Variants in PHF3 observed in about 807,000 individuals in gnomAD.
PHF3 encodes the protein PHD finger protein 3.
A neutral mutation model predicts 178.4 loss-of-function variants in PHF3; 41 were observed. That is an observed-to-expected ratio of 0.23 (90% CI 0.18 to 0.30). The LOEUF (loss-of-function observed/expected upper bound fraction) is 0.30. Ranked by LOEUF, PHF3 falls within the 10% of genes least tolerant of loss-of-function variation. The pLI is 1.00. For missense variants in PHF3, 2,346 were observed against 2,398.1 expected, an observed-to-expected ratio of 0.98 and a Z score of 0.45; for synonymous variants, 842 against 800.5, an observed-to-expected ratio of 1.05 and a Z score of -0.88.
chr6:63,666,449 A>AT (rs1322200431), intron 2 of PHF3, among the ~76,000 whole-genome samples: 40 of 147,542 alleles, frequency 2.7e-4, no homozygotes, highest in Non-Finnish European at 3.7e-4. Context: ...GTTTGTCAGC[A>AT]TTTTTTTTTT....
At position 63,684,847 on chromosome 6, in the gene PHF3, G is replaced by A. The variant is rs778204152; in HGVS notation, c.1125G>A (p.Leu375=). The A allele has an allele frequency of 6.2e-7, 1 of 1,613,290 alleles. No homozygotes were observed. Among genetic ancestry groups the A allele is most frequent in the South Asian group, 1.1e-5 (1 of 91,012 alleles). ...SCVDEVTECN[L]ELKDTMGIAD... The stretch of plus-strand genomic sequence containing the variant: ...TAGATGAAGTGACTGAATGTAATTT[G>A]GAATTGAAGGATACCATGGGTATTG... The change falls in exon 4 of 16, where the codon TTG becomes TTA. Residue 375 remains leucine (L), a synonymous_variant. Transcript: ENST00000262043.
rs1186427936 is a variant in PHF3, at chr6:63,721,180, T to C, written c.*7472T>C. The C allele has an allele frequency of 9.7e-6, 15 of 1,551,668 alleles. No individual in the cohort carries two copies. The highest frequency in any genetic ancestry group is 1.1e-5 in the Non-Finnish European group (13 of 1,146,912). On this transcript the variant is annotated 3_prime_UTR_variant, in exon 16 of 16. Coordinates refer to ENST00000262043, the MANE Select transcript of PHF3 (RefSeq NM_001370348.2). The stretch of plus-strand genomic sequence containing the variant: ...AATTTTGCAGTTGAAAATGAAGTTT[T>C]GTTTTCACAATACCTTCCCACCCAA...
Position 63,721,037 on chromosome 6 carries a change from C to T in PHF3, c.*7329C>T, listed in dbSNP as rs1768362528. 1 of 1,551,152 alleles carries T rather than the reference C, an allele frequency of 6.4e-7. No homozygotes were observed. On this transcript the variant is annotated 3_prime_UTR_variant, in exon 16 of 16. Coordinates refer to ENST00000262043, the MANE Select transcript of PHF3 (RefSeq NM_001370348.2). Reference sequence around the variant, plus strand: ...CATTTTCTTCATTTTGAGCTATTCCCATCCATACAATTAGACCTTCTGTTT... The same window carrying T: ...CATTTTCTTCATTTTGAGCTATTCCTATCCATACAATTAGACCTTCTGTTT...
intron 13 of PHF3, among the ~76,000 whole-genome samples, chr6:63,707,914 T>G (rs1284722868): frequency 6.6e-6 from 1 of 150,544 alleles, no homozygotes; most frequent in Non-Finnish European, 1.5e-5. Flanking sequence ...TCGCCCTGGC[T>G]GGAGTGCAGT....
chr6:63,649,972 T>C (rs1764953894), intron 2 of PHF3, among the ~76,000 whole-genome samples: 1 of 152,226 alleles, frequency 6.6e-6, no homozygotes, highest in Admixed American at 6.5e-5. Flanking sequence ...TTATTTTATC[T>C]CTCATTTTAC....
chr6:63,656,299 TTAAAATG>T (rs1214312452), intron 2 of PHF3, among the ~76,000 whole-genome samples: 1 of 152,232 alleles, frequency 6.6e-6, no homozygotes, highest in Non-Finnish European at 1.5e-5. Flanking sequence ...TCTTTTTAAC[TTAAAATG>T]TGAAATAAAA....
At chr6:63,666,431 T>C (rs1765684471) in intron 2 of PHF3, among the ~76,000 whole-genome samples, 2 of 152,048 alleles carry the variant, frequency 1.3e-5, no homozygotes, top group South Asian at 4.1e-4. Flanking sequence ...TATATATATT[T>C]GCTTCGTGTT....
chr6:63,653,441 C>A (rs1053246255), intron 2 of PHF3, among the ~76,000 whole-genome samples: 1 of 151,818 alleles, frequency 6.6e-6, no homozygotes, highest in Non-Finnish European at 1.5e-5. Flanking sequence ...CCAAAGTGTT[C>A]TACATTTTTC....
At chr6:63,706,921 G>C in intron 13 of PHF3, 45 bp downstream of exon 13, 1 of 1,560,732 alleles carries the variant, frequency 6.4e-7, no homozygotes, top group Non-Finnish European at 8.8e-7. Context: ...TTGATAATGT[G>C]TGTTTCTGAA....
At chr6:63,703,500 T>C (rs1444034524) in intron 10 of PHF3, 36 bp from the exon 11 acceptor site, 4 of 1,574,868 alleles carry the variant, frequency 2.5e-6, no homozygotes, top group Non-Finnish European at 3.4e-6. Context: ...CCAAATTTTA[T>C]CAGCTAAAAC....
rs977006334 is a variant in PHF3, at chr6:63,683,228, A to G, written c.407-901A>G. 7.9e-5 allele frequency among the ~76,000 whole-genome samples: 12 copies of G among 151,980 alleles called. No individual in the cohort carries two copies. The East Asian group carries it at 2.3e-3, about 29-fold the overall frequency. ...TAATACTAGATCAGAACTACGAGCA[A>G]CACCTGGACATTTACCTTTTTAAAG... On this transcript the variant is annotated intron_variant, in intron 3 of 15. Transcript: ENST00000262043.
Position 63,685,177 on chromosome 6 carries a change from T to G in PHF3, c.1455T>G (p.Ser485Arg), listed in dbSNP as rs1280714798. The G allele has an allele frequency of 6.2e-7, 1 of 1,613,882 alleles. No individual in the cohort carries two copies. Among genetic ancestry groups the G allele is most frequent in the African/African-American group, 1.3e-5 (1 of 75,024 alleles). Residue 485 changes from serine (S) to arginine (R), a missense_variant, in exon 4 of 16, where the codon AGT becomes AGG. Coordinates refer to ENST00000262043, the MANE Select transcript of PHF3 (RefSeq NM_001370348.2). Reference sequence around the variant, plus strand: ...GCGTTTCTTACTTAGAGTCAAAAAGTGTAAAATCCAAACATACAAAACCTG... The same window carrying G: ...GCGTTTCTTACTTAGAGTCAAAAAGGGTAAAATCCAAACATACAAAACCTG... The part of the protein sequence containing the change: ...SSSVSYLESK[S>R]VKSKHTKPVI...
intron 1 of PHF3, 78 bp downstream of exon 1, chr6:63,636,228 TCCGCGGGCCTCTCCGCCCCTC>T (rs1318794922): frequency 8.1e-5 from 26 of 321,216 alleles, no homozygotes; most frequent in African/African-American, 4.9e-4. Flanking sequence ...GCACAGCGCC[TCCGCGGGCCTCTCCGCCCCTC>T]CCGCGGCGGA....
Position 63,721,755 on chromosome 6 carries a change from A to G in PHF3, c.*8047A>G. The G allele has an allele frequency of 6.4e-7, 1 of 1,551,152 alleles. No homozygotes were observed. Among genetic ancestry groups the G allele is most frequent in the Non-Finnish European group, 8.7e-7 (1 of 1,146,570 alleles). On this transcript the variant is annotated 3_prime_UTR_variant, in exon 16 of 16. Transcript: ENST00000262043. ...AGTTCTGTCGCCAAGGTTGTAGCGAAGTTGAACGGAACTATTTACTAAAGA... is the reference window on the plus strand; with the variant it reads ...AGTTCTGTCGCCAAGGTTGTAGCGAGGTTGAACGGAACTATTTACTAAAGA...
intron 1 of PHF3, among the ~76,000 whole-genome samples, chr6:63,637,927 G>C (rs1289205299): frequency 6.6e-6 from 1 of 152,122 alleles, no homozygotes; most frequent in African/African-American, 2.4e-5. Context: ...TTGAAGAATA[G>C]AAAAATATAG....
chr6:63,668,210 C>G (rs1363673593), intron 2 of PHF3, among the ~76,000 whole-genome samples: 1 of 152,130 alleles, frequency 6.6e-6, no homozygotes, highest in African/African-American at 2.4e-5. Flanking sequence ...ACTGAAGAGG[C>G]AGATTAGAAG....
In PHF3 at chr6:63,685,001, A is replaced by G. The variant is rs770908929; in HGVS notation, c.1279A>G (p.Ser427Gly). ...NKSNLEVVDT[S>G]TFGPESNILE... The stretch of plus-strand genomic sequence containing the variant: ...ATCAAACTTAGAGGTGGTTGATACT[A>G]GTACTTTTGGACCGGAAAGTAATAT... Residue 427 changes from serine to glycine, a missense_variant, in exon 4 of 16, where the codon AGT becomes GGT. Physicochemically the swap from Ser to Gly is moderately conservative, Grantham distance 56 (BLOSUM62 0). Transcript: ENST00000262043. 4 of 1,614,104 alleles carry G rather than the reference A, an allele frequency of 2.5e-6. No individual in the cohort carries two copies. The highest frequency in any genetic ancestry group is 3.4e-6 in the Non-Finnish European group (4 of 1,179,980).
At position 63,721,239 on chromosome 6, in the gene PHF3, T is replaced by A. The variant is rs1259514472; in HGVS notation, c.*7531T>A. ...ACACAGGCAACTGTAAGAAAATGAT[T>A]GGTCAGGTATACATAAAGATTGGTG... On this transcript the variant is annotated 3_prime_UTR_variant, in exon 16 of 16. Coordinates refer to ENST00000262043, the MANE Select transcript of PHF3 (RefSeq NM_001370348.2). 1 of 1,551,802 alleles carries A rather than the reference T, an allele frequency of 6.4e-7. No individual in the cohort carries two copies. The highest frequency in any genetic ancestry group is 2.0e-5 in the Admixed American group (1 of 50,976).
Position 63,684,789 on chromosome 6 carries a change from C to T in PHF3, c.1067C>T (p.Thr356Ile), listed in dbSNP as rs765089871. The change falls in exon 4 of 16, where the codon ACA (threonine) becomes ATA (isoleucine). Residue 356 changes from threonine to isoleucine, a missense_variant. Transcript: ENST00000262043. ...GCTGCTTGTACAAATCCAAATAAGACAGAAAACAGCCTTGTAGGTTTGCCT... is the reference window on the plus strand; with the variant it reads ...GCTGCTTGTACAAATCCAAATAAGATAGAAAACAGCCTTGTAGGTTTGCCT... ...SDAACTNPNKTENSLVGLPSC... is the reference protein window; with the variant it reads ...SDAACTNPNKIENSLVGLPSC... The T allele has an allele frequency of 6.2e-7, 1 of 1,613,988 alleles. No individual in the cohort carries two copies. Among genetic ancestry groups the T allele is most frequent in the South Asian group, 1.1e-5 (1 of 91,076 alleles).
Sources: allele counts gnomAD v4.1 joint callset (sites outside exome capture counted in the v4.1 genomes callset), GRCh38; gene constraint gnomAD v4.1.1; transcripts MANE v1.5; gene names NCBI Gene and HGNC (gene_info 2026-07-23, HGNC 2026-07-21).